MAP2K7: variants seen among roughly 807,000 people sequenced by gnomAD.
MAP2K7 encodes the protein dual specificity mitogen-activated protein kinase kinase 7.
A neutral mutation model predicts 47.7 loss-of-function variants in MAP2K7; 12 were observed. That is an observed-to-expected ratio of 0.25 (90% confidence interval 0.16 to 0.41). The LOEUF (loss-of-function observed/expected upper bound fraction) is 0.41, where lower values mean the gene tolerates loss of function less well. Among genes scored for constraint, MAP2K7 ranks in the 10% least tolerant of loss-of-function variants. The pLI is 1.00. For missense variants in MAP2K7, 415 were observed against 600.3 expected, an observed-to-expected ratio of 0.69 and a Z score of 3.23; for synonymous variants, 299 against 243.0, an observed-to-expected ratio of 1.23 and a Z score of -2.14.
In MAP2K7 at chr19:7,911,016, G is replaced by A. The variant is rs1210306090; in HGVS notation, c.712G>A (p.Gly238Ser). Residue 238 changes from glycine (G) to serine (S), a missense_variant, in exon 7 of 11, where the codon GGT becomes AGT. This residue lies in a region of MAP2K7 where 206 missense variants were observed against 368.8 expected (regional missense o/e 0.56). Transcript: ENST00000397979. ...KALYYLKEKH[G>S]VIHRDVKPSN... ...GCTGTACTACCTGAAGGAGAAGCAC[G>A]GTGTCATCCACCGCGACGTCAAGCC... 2 of 1,612,412 alleles carry A rather than the reference G, an allele frequency of 1.2e-6. No individual in the cohort carries two copies. Among genetic ancestry groups the A allele is most frequent in the African/African-American group, 1.3e-5 (1 of 74,908 alleles).
chr19:7,912,403 G>T lies in MAP2K7; in HGVS notation c.1232G>T (p.Ser411Ile), dbSNP rs760564022. ...TESPRTSGVL[S>I]QPHLPFFR ...TCACCGCGGACTAGCGGCGTCCTGA[G>T]CCAGCCCCACCTGCCCTTCTTCAGG... Residue 411 changes from serine to isoleucine, a missense_variant, in exon 11 of 11, where the codon AGC becomes ATC. Physicochemically the swap from Ser to Ile is moderately radical, Grantham distance 142. Transcript: ENST00000397979. 6.8e-6 allele frequency: 11 copies of T among 1,612,474 alleles called. No individual in the cohort carries two copies. In the Admixed American group the frequency reaches 1.8e-4, roughly 27 times the overall value.
intron 1 of MAP2K7, chr19:7,904,558 C>T (rs116575110): frequency 5.6e-4 from 117 of 208,566 alleles, no homozygotes; most frequent in African/African-American, 2.5e-3. Flanking sequence ...GGTTACTTGA[C>T]CACATAGAGC....
rs1599633971 is a variant in MAP2K7, at chr19:7,914,459, A to T, written c.*2028A>T. 4 of 152,200 alleles carry T rather than the reference A, an allele frequency of 2.6e-5. No individual in the cohort carries two copies. Among genetic ancestry groups the T allele is most frequent in the African/African-American group, 4.8e-5 (2 of 41,428 alleles). 9.4% of individuals were successfully genotyped at this position (152,200 alleles called of 1,614,324 possible). A position where few individuals can be genotyped will look rare whatever the true frequency, so the allele number is the denominator to read the frequency against. ...GTAAACCCTTAGACGCTTGAGAATAAACCCCTTCCTTTTCTTCCACCGAGT... is the reference window on the plus strand; with the variant it reads ...GTAAACCCTTAGACGCTTGAGAATATACCCCTTCCTTTTCTTCCACCGAGT... On this transcript the variant is annotated 3_prime_UTR_variant, in exon 11 of 11. Transcript: ENST00000397979.
rs1175886723 is a variant in MAP2K7 at position 7,910,680 on chromosome 19, G to A, written c.568-16G>A. ...GCCGGAAGACACAGCTCCCCCGGGT[G>A]CCCCTCTCCCTGCAGACGGACGTCT... On this transcript the variant is annotated splice_polypyrimidine_tract_variant and intron_variant, in intron 5 of 10. Transcript: ENST00000397979. 1.9e-6 allele frequency: 3 copies of A among 1,606,806 alleles called. No individual in the cohort carries two copies. The highest frequency in any genetic ancestry group is 1.7e-6 in the Non-Finnish European group (2 of 1,175,688).
chr19:7,910,155 A>G (rs1599625694), intron 3 of MAP2K7, 26 bp downstream of exon 3: 1 of 1,593,252 alleles, frequency 6.3e-7, no homozygotes, highest in Non-Finnish European at 8.5e-7. Context: ...TGGCGGGGAG[A>G]GGGAGGAGGC....
Position 7,910,777 on chromosome 19 carries a change from C to T in MAP2K7, c.649C>T (p.Arg217Cys), listed in dbSNP as rs745624779. ...GCGGATGCAGGGCCCCATCCCCGAG[C>T]GCATTCTGGGCAAGATGACAGTGGC... ...KKRMQGPIPE[R>C]ILGKMTVAIV... The change falls in exon 6 of 11, where the codon CGC becomes TGC. Residue 217 changes from arginine to cysteine, a missense_variant. Transcript: ENST00000397979. 3.8e-5 allele frequency: 62 copies of T among 1,611,428 alleles called. No individual in the cohort carries two copies. The highest frequency in any genetic ancestry group is 1.6e-4 in the Middle Eastern group (1 of 6,082).
At chr19:7,904,991 T>C (rs1435667527) in intron 1 of MAP2K7, among the ~76,000 whole-genome samples, 2 of 151,250 alleles carry the variant, frequency 1.3e-5, no homozygotes, top group African/African-American at 4.9e-5. Context: ...CCCTGACACC[T>C]TGTCATCCTA....
chr19:7,905,008 T>A (rs758833200), intron 1 of MAP2K7, among the ~76,000 whole-genome samples: 33 of 151,226 alleles, frequency 2.2e-4, no homozygotes, highest in Non-Finnish European at 4.6e-4. Flanking sequence ...CCTAGATCAG[T>A]ACCTCTCGCT....
chr19:7,907,941 C>T (rs1403568470), intron 1 of MAP2K7, among the ~76,000 whole-genome samples: 2 of 152,186 alleles, frequency 1.3e-5, no homozygotes, highest in East Asian at 1.9e-4. Context: ...AGAGCAGAGG[C>T]GCAGGGACCT....
At chr19:7,908,666 G>A (rs140543235) in intron 1 of MAP2K7, among the ~76,000 whole-genome samples, 114 of 152,200 alleles carry the variant, frequency 7.5e-4, no homozygotes, top group African/African-American at 2.5e-3. Context: ...CTTGGTAGGT[G>A]TGTGTAGCCG....
intron 9 of MAP2K7, 43 bp from the exon 10 acceptor site, chr19:7,912,106 T>C (rs764841365): frequency 1.9e-6 from 3 of 1,597,880 alleles, no homozygotes; most frequent in South Asian, 2.2e-5. Context: ...CGGCATCCCC[T>C]CCTCCCTCGT....
rs1234706236 is a variant in MAP2K7 at position 7,910,046 on chromosome 19, C to G, written c.267-17C>G. The stretch of plus-strand genomic sequence containing the variant: ...GGTCAGGACCCACCTCCACCGGCAC[C>G]TGCTCCATGTCCCCAGCATTGAGAT... On this transcript the variant is annotated splice_polypyrimidine_tract_variant and intron_variant, in intron 2 of 10. Transcript: ENST00000397979. 6.3e-7 allele frequency: 1 copy of G among 1,589,864 alleles called. No individual in the cohort carries two copies. Among genetic ancestry groups the G allele is most frequent in the East Asian group, 2.3e-5 (1 of 44,208 alleles).
rs936835392 is a variant in MAP2K7, at chr19:7,914,447, C to G, written c.*2016C>G. 1.3e-5 allele frequency: 2 copies of G among 152,280 alleles called. No homozygotes were observed. Among genetic ancestry groups the G allele is most frequent in the African/African-American group, 2.4e-5 (1 of 41,456 alleles). 9.4% of individuals were successfully genotyped at this position (152,280 alleles called of 1,614,324 possible). A position where few individuals can be genotyped will look rare whatever the true frequency, so the allele number is the denominator to read the frequency against. On this transcript the variant is annotated 3_prime_UTR_variant, in exon 11 of 11. Transcript: ENST00000397979. ...ATGCCCTCGTTTGTAAACCCTTAGA[C>G]GCTTGAGAATAAACCCCTTCCTTTT...
chr19:7,904,701 C>T (rs886645376), intron 1 of MAP2K7, among the ~76,000 whole-genome samples: 3 of 152,064 alleles, frequency 2.0e-5, no homozygotes, highest in Admixed American at 1.3e-4. Flanking sequence ...CTCAGCAGAC[C>T]CCCTCCCACA....
chr19:7,904,602 C>T (rs1312704102), intron 1 of MAP2K7: 2 of 172,402 alleles, frequency 1.2e-5, no homozygotes, highest in South Asian at 7.3e-5. Context: ...AGGATTCTCC[C>T]TCTCGCTCTC....
In MAP2K7 at chr19:7,913,043, GCTCT is replaced by G. The variant is rs3066695; in HGVS notation, c.*635_*638del. ...CGGCTGGACGGGGCTGCGCGCTCGC[GCTCT>G]CTCTCTCTCTCTCTCTCTCTCTTTG... On this transcript the variant is annotated 3_prime_UTR_variant, in exon 11 of 11. Transcript: ENST00000397979. 212 of 150,164 alleles carry G rather than the reference GCTCT, an allele frequency of 1.4e-3. 1 individual carries two copies. The highest frequency in any genetic ancestry group is 0.01 in the Middle Eastern group (3 of 294). 9.3% of individuals were successfully genotyped at this position (150,164 alleles called of 1,614,324 possible).
chr19:7,912,076 C>A (rs1599629552), intron 9 of MAP2K7, 73 bp from the exon 10 acceptor site: 1 of 1,445,118 alleles, frequency 6.9e-7, no homozygotes, highest in Non-Finnish European at 9.7e-7. Context: ...TTGGGGAGGG[C>A]CTGAGCACAG....
intron 1 of MAP2K7, chr19:7,905,767 T>C (rs1231826631): frequency 1.3e-6 from 2 of 1,532,834 alleles, no homozygotes; most frequent in Admixed American, 3.3e-5. Flanking sequence ...TCTGTTGTGA[T>C]TTATCGTGGT....
Position 7,911,286 on chromosome 19 carries a change from G to C in MAP2K7, c.892G>C (p.Asp298His). The C allele has an allele frequency of 6.2e-7, 1 of 1,613,324 alleles. No individual in the cohort carries two copies. The highest frequency in any genetic ancestry group is 8.5e-7 in the Non-Finnish European group (1 of 1,179,978). The change falls in exon 8 of 11, where the codon GAC (aspartate) becomes CAC (histidine). Residue 298 changes from aspartate (D) to histidine (H), a missense_variant. Asp to His is a moderately conservative substitution (Grantham distance 81, BLOSUM62 -1). Coordinates refer to ENST00000397979, the MANE Select transcript of MAP2K7 (RefSeq NM_145185.4). ...RIDPPDPTKP[D>H]YDIRADVWSL... ...TGACCCCCCAGACCCCACCAAGCCG[G>C]ACTATGACATCCGGGCCGACGTATG... is the stretch of plus-strand genomic sequence containing the variant.
Sources: gnomAD v4.1 joint callset for allele counts (sites outside exome capture counted in the v4.1 genomes callset) on GRCh38, gnomAD v4.1.1 for gene constraint, gnomAD v4.1.1 regional missense constraint, MANE v1.5 for transcripts, NCBI Gene and HGNC (gene_info 2026-07-23, HGNC 2026-07-21) for gene names.